The following FRMD4B variants were observed in gnomAD, a reference collection of about 807,000 sequenced individuals.
FRMD4B encodes the protein FERM domain containing 4B, also known as FERM domain-containing protein 4B.
FRMD4B carries 74 observed loss-of-function variants against 141.5 expected under a neutral mutation model. The observed-to-expected ratio is 0.52, with a 90% CI of 0.43 to 0.63. The LOEUF (loss-of-function observed/expected upper bound fraction) is 0.63, where lower values mean the gene tolerates loss of function less well. FRMD4B is among the 30% of genes least tolerant of loss of function. The pLI, the probability that FRMD4B is intolerant of heterozygous loss-of-function variation, is 0.00. For synonymous variants in FRMD4B, 506 were observed against 467.9 expected (o/e 1.08, Z -1.05); for missense variants, 1,366 against 1,253.4 (o/e 1.09, Z -1.36).
At chr3:69,480,476 G>A (rs373969123) in intron 1 of FRMD4B, among the ~76,000 whole-genome samples, 22 of 152,304 alleles carry the variant, frequency 1.4e-4, no homozygotes, top group Admixed American at 5.2e-4. Flanking sequence ...GGTCCACTCC[G>A]GACGCTGTTT....
chr3:69,536,531 G>T (rs550292668), intron 1 of FRMD4B: 68 of 695,518 alleles, frequency 9.8e-5, no homozygotes, highest in Non-Finnish European at 1.7e-4. Flanking sequence ...ACCACCGTGC[G>T]GGGGGTGGGG....
chr3:69,278,434 G>A (rs1032516012), intron 5 of FRMD4B, among the ~76,000 whole-genome samples: 1 of 152,062 alleles, frequency 6.6e-6, no homozygotes, highest in Admixed American at 6.6e-5. Flanking sequence ...GAGCAGCTAG[G>A]ACTACAGGCA....
At chr3:69,510,217 G>T (rs1334216486) in intron 1 of FRMD4B, among the ~76,000 whole-genome samples, 8 of 152,006 alleles carry the variant, frequency 5.3e-5, no homozygotes, top group Admixed American at 5.2e-4. Flanking sequence ...AGTAATAATA[G>T]CGATTTTTGT....
intron 11 of FRMD4B, among the ~76,000 whole-genome samples, chr3:69,214,067 A>C (rs1471387100): frequency 6.6e-6 from 1 of 151,972 alleles, no homozygotes; most frequent in Non-Finnish European, 1.5e-5. Context: ...GGCAGAGGGG[A>C]TATGGCTTTC....
rs1389910497 is a variant in FRMD4B, at chr3:69,353,484, C to G, written c.162+32344G>C. Reference sequence around the variant, plus strand: ...TTTTGCTATGAAATGCCAGTCAAAGCTGAAGAAGCACCGTTACACAGTCTG... The same window carrying G: ...TTTTGCTATGAAATGCCAGTCAAAGGTGAAGAAGCACCGTTACACAGTCTG... On this transcript the variant is annotated intron_variant, in intron 1 of 22. Transcript: ENST00000398540. 4 of 721,400 alleles carry G rather than the reference C, an allele frequency of 5.5e-6. No individual in the cohort carries two copies. In the East Asian group the frequency reaches 5.3e-4, roughly 96 times the overall value. 44.7% of individuals were successfully genotyped at this position (721,400 alleles called of 1,614,324 possible). A position where few individuals can be genotyped will look rare whatever the true frequency, so the allele number is the denominator to read the frequency against.
intron 1 of FRMD4B, among the ~76,000 whole-genome samples, chr3:69,447,607 A>G (rs930211407): frequency 1.3e-5 from 2 of 152,172 alleles, no homozygotes; most frequent in Non-Finnish European, 2.9e-5. Context: ...CAAGTATATA[A>G]TGTGTAGTGA....
chr3:69,355,070 A>G (rs1703273929), intron 1 of FRMD4B, among the ~76,000 whole-genome samples: 1 of 152,110 alleles, frequency 6.6e-6, no homozygotes, highest in Admixed American at 6.5e-5. Context: ...GAAAAGCATC[A>G]TATATGGAGA....
chr3:69,212,848 A>T (rs2093100158), intron 11 of FRMD4B, among the ~76,000 whole-genome samples: 1 of 152,224 alleles, frequency 6.6e-6, no homozygotes, highest in Non-Finnish European at 1.5e-5. Context: ...TTTCTTAAGT[A>T]AAATTCAGAA....
At position 69,189,919 on chromosome 3, in the gene FRMD4B, G is replaced by C. The variant is rs1303857692; in HGVS notation, c.1748C>G (p.Ser583Cys). Residue 583 changes from serine (S) to cysteine (C), a missense_variant, in exon 18 of 23, where the codon TCT (serine) becomes TGT (cysteine). By Grantham distance (112) the Ser-to-Cys change is moderately radical. Coordinates refer to ENST00000398540, the MANE Select transcript of FRMD4B (RefSeq NM_015123.3). ...DIIPSESSSLSDTTTYDDPSD... is the reference protein window; with the variant it reads ...DIIPSESSSLCDTTTYDDPSD... ...ACGATCATCATAGGTGGTGGTGTCA[G>C]ACAAAGAGCTACTCTCTGAGGGGAT... 1 of 1,601,936 alleles carries C rather than the reference G, an allele frequency of 6.2e-7. No individual in the cohort carries two copies.
chr3:69,399,951 A>C (rs1424619805), intron 2 of FRMD4B, among the ~76,000 whole-genome samples: 1 of 152,172 alleles, frequency 6.6e-6, no homozygotes. Context: ...ACTGAAAGTA[A>C]TGAGCTCAGT....
chr3:69,345,919 G>C (rs570356605), intron 1 of FRMD4B, among the ~76,000 whole-genome samples: 1 of 152,282 alleles, frequency 6.6e-6, no homozygotes, highest in South Asian at 2.1e-4. Context: ...CTAAAAAGCA[G>C]AGCGCCTCCC....
intron 1 of FRMD4B, among the ~76,000 whole-genome samples, chr3:69,481,117 C>A (rs61623167): frequency 0.17 from 26,310 of 152,104 alleles, 2,612 homozygotes; most frequent in African/African-American, 0.27. Flanking sequence ...GTCTGTCACC[C>A]CTTTCTTTGA....
rs1705956224 is a variant in FRMD4B, at chr3:69,474,808, C to A, written c.-128-42047G>T. 5.3e-5 allele frequency among the ~76,000 whole-genome samples: 8 copies of A among 152,080 alleles called. No individual in the cohort carries two copies. In the South Asian group the frequency reaches 1.7e-3, roughly 32 times the overall value. On this transcript the variant is annotated intron_variant, in intron 1 of 5. Transcript: ENST00000459638. ...GACAGGGTTCCTGCCTTCATAGAGA[C>A]TACTGTCTGATGTGGAAGACGGACT... is the stretch of plus-strand genomic sequence containing the variant.
intron 5 of FRMD4B, among the ~76,000 whole-genome samples, chr3:69,254,703 T>C (rs2093482383): frequency 6.6e-6 from 1 of 152,134 alleles, no homozygotes; most frequent in African/African-American, 2.4e-5. Context: ...AAGGTCTGAT[T>C]TGTAGCATTA....
chr3:69,216,203 T>C lies in FRMD4B; in HGVS notation c.876+60A>G, dbSNP rs976755051. ...AACCTAATGGTGTGTGCTTTTCAAC[T>C]ATGTTGTGATTAACATGTTTTGAAC... is the stretch of plus-strand genomic sequence containing the variant. On this transcript the variant is annotated intron_variant, in intron 11 of 22. Transcript: ENST00000398540. The C allele has an allele frequency of 3.3e-6, 3 of 907,486 alleles. No individual in the cohort carries two copies. The Admixed American group carries it at 6.3e-5, about 19-fold the overall frequency. The allele number at this position is 907,486 out of a possible 1,614,324, so 56.2% of individuals were successfully genotyped here.
At chr3:69,496,740 T>G (rs1706407418) in intron 1 of FRMD4B, among the ~76,000 whole-genome samples, 1 of 151,262 alleles carries the variant, frequency 6.6e-6, no homozygotes, top group South Asian at 2.1e-4. Context: ...AAGTCATACT[T>G]AAAGCTTCAT....
intron 2 of FRMD4B, among the ~76,000 whole-genome samples, chr3:69,427,643 G>GCTTTTTTTTT (rs1705105763): frequency 2.8e-5 from 1 of 36,240 alleles, no homozygotes; most frequent in Non-Finnish European, 5.1e-5. Context: ...CTAGGTAAAT[G>GCTTTTTTTTT]TTTTTTTTTT....
At chr3:69,211,788 C>T (rs1340054007) in intron 11 of FRMD4B, among the ~76,000 whole-genome samples, 1 of 152,118 alleles carries the variant, frequency 6.6e-6, no homozygotes, top group Non-Finnish European at 1.5e-5. Flanking sequence ...AAACTTGCAG[C>T]CTGCACAGGT....
At chr3:69,295,468 C>G (rs535503045) in intron 4 of FRMD4B, among the ~76,000 whole-genome samples, 2 of 152,142 alleles carry the variant, frequency 1.3e-5, no homozygotes, top group Admixed American at 1.3e-4. Context: ...ACTGCAGGCA[C>G]GCACTACCAT....
Sources: allele counts gnomAD v4.1 joint callset (sites outside exome capture counted in the v4.1 genomes callset), GRCh38; gene constraint gnomAD v4.1.1; transcripts MANE v1.5; gene names NCBI Gene and HGNC (gene_info 2026-07-23, HGNC 2026-07-21).